The following SLC35F3 variants were observed in gnomAD, a reference collection of about 807,000 sequenced individuals.
SLC35F3 encodes the protein solute carrier family 35 member F3.
In SLC35F3, 25 loss-of-function variants were observed where a neutral mutation model predicts 49.9. That is an observed-to-expected ratio of 0.50 (90% CI 0.37 to 0.70). SLC35F3 has a LOEUF of 0.70. Among genes scored for constraint, SLC35F3 ranks in the 30% least tolerant of loss-of-function variants. The probability of loss-of-function intolerance (pLI) is 0.00; values close to 1 mark genes in which losing one functional copy is unlikely to be tolerated. For missense variants in SLC35F3, 525 were observed against 639.8 expected, an observed-to-expected ratio of 0.82 and a Z score of 1.94; for synonymous variants, 275 against 265.4, an observed-to-expected ratio of 1.04 and a Z score of -0.35.
intron 2 of SLC35F3, among the ~76,000 whole-genome samples, chr1:234,011,801 T>C (rs1388625226): frequency 2.0e-5 from 3 of 152,064 alleles, no homozygotes; most frequent in African/African-American, 4.8e-5. Context: ...ACACCCAACA[T>C]TGGAGCACTG....
chr1:234,278,066 G>A (rs538388928), intron 3 of SLC35F3, among the ~76,000 whole-genome samples: 5 of 152,196 alleles, frequency 3.3e-5, no homozygotes, highest in Non-Finnish European at 4.4e-5. Flanking sequence ...AGAGGCATGC[G>A]CCTGTGGTCC....
At chr1:234,195,197 C>T (rs552048307) in intron 2 of SLC35F3, among the ~76,000 whole-genome samples, 1 of 152,306 alleles carries the variant, frequency 6.6e-6, no homozygotes, top group Admixed American at 6.5e-5. Flanking sequence ...CACTGCTTTC[C>T]AGGCTGTGCC....
At position 234,236,497 on chromosome 1, in the gene SLC35F3, C is replaced by G. The variant is rs536314967; in HGVS notation, c.608+4756C>G. 9.2e-5 allele frequency among the ~76,000 whole-genome samples: 14 copies of G among 152,140 alleles called. No homozygotes were observed. In the South Asian group the frequency reaches 2.9e-3, roughly 32 times the overall value. On this transcript the variant is annotated intron_variant, in intron 3 of 7. Coordinates refer to ENST00000366618, the MANE Select transcript of SLC35F3 (RefSeq NM_173508.4). The stretch of plus-strand genomic sequence containing the variant: ...TTTATTTAAGGACAAGCAGATGGTT[C>G]TCTAGGTGCCGAAGGAGAAGGTCAA...
At chr1:234,220,169 T>G (rs1328207268) in intron 2 of SLC35F3, among the ~76,000 whole-genome samples, 2 of 148,960 alleles carry the variant, frequency 1.3e-5, no homozygotes, top group Admixed American at 1.3e-4. Flanking sequence ...AACTGGGTTA[T>G]GAAATCTCTT....
At chr1:234,151,567 A>T (rs1666076464) in intron 2 of SLC35F3, among the ~76,000 whole-genome samples, 1 of 152,056 alleles carries the variant, frequency 6.6e-6, no homozygotes, top group Non-Finnish European at 1.5e-5. Context: ...AGCAAAACTC[A>T]GAAATGAGGA....
At chr1:233,985,344 G>A (rs1028416502) in intron 2 of SLC35F3, among the ~76,000 whole-genome samples, 1 of 152,204 alleles carries the variant, frequency 6.6e-6, no homozygotes, top group Non-Finnish European at 1.5e-5. Context: ...TCCATGCAGA[G>A]TCTTTTTGTA....
chr1:234,070,354 A>C (rs1047730761), intron 2 of SLC35F3, among the ~76,000 whole-genome samples: 1 of 152,242 alleles, frequency 6.6e-6, no homozygotes, highest in African/African-American at 2.4e-5. Context: ...CAGCACATCA[A>C]AATAGAAAAC....
At chr1:234,268,103 C>T (rs919723240) in intron 3 of SLC35F3, among the ~76,000 whole-genome samples, 11 of 151,910 alleles carry the variant, frequency 7.2e-5, no homozygotes, top group Admixed American at 1.3e-4. Flanking sequence ...CCAAGGCAGG[C>T]GGCTGGGAGG....
chr1:234,068,051 A>G (rs1009073990), intron 2 of SLC35F3, among the ~76,000 whole-genome samples: 1 of 152,194 alleles, frequency 6.6e-6, no homozygotes, highest in Non-Finnish European at 1.5e-5. Context: ...ATTTACTCAC[A>G]TTATGAAAAC....
rs76678819 is a variant in SLC35F3 at position 234,078,452 on chromosome 1, A to G, written c.284-152965A>G. Among the ~76,000 whole-genome samples the G allele has an allele frequency of 0.026, 3,969 of 152,270 alleles. 307 individuals are homozygous for G. In the East Asian group the frequency reaches 0.31, roughly 12 times the overall value. On this transcript the variant is annotated intron_variant, in intron 2 of 7. Coordinates refer to ENST00000366618, the MANE Select transcript of SLC35F3 (RefSeq NM_173508.4). ...AGAGACCTCTATGTTAAGTTTAACC[A>G]TAGGCATTTTTCAGTCTTCAGTGAA...
At chr1:234,318,343 C>T (rs1044500065) in intron 5 of SLC35F3, among the ~76,000 whole-genome samples, 4 of 152,194 alleles carry the variant, frequency 2.6e-5, no homozygotes, top group East Asian at 1.9e-4. Flanking sequence ...ATTTACAGAA[C>T]GTATCTTTGC....
intron 2 of SLC35F3, among the ~76,000 whole-genome samples, chr1:234,065,940 C>T (rs1246404850): frequency 1.3e-5 from 2 of 152,124 alleles, no homozygotes; most frequent in Non-Finnish European, 2.9e-5. Flanking sequence ...GTGACGTTGT[C>T]GTGAGGTCAG....
In SLC35F3 at chr1:233,959,747, G is replaced by A. The variant is rs535899109; in HGVS notation, c.283+53989G>A. 1.2e-4 allele frequency among the ~76,000 whole-genome samples: 18 copies of A among 152,152 alleles called. No individual in the cohort carries two copies. In the East Asian group the frequency reaches 3.5e-3, roughly 29 times the overall value. ...CAAGAAGGTTAAGTGCCTTGGCCAG[G>A]ATTTCTTTGTTGGTGGCAGAGTGGG... On this transcript the variant is annotated intron_variant, in intron 2 of 7. Transcript: ENST00000366618.
At chr1:234,318,651 C>A in intron 5 of SLC35F3, 100 bp from the exon 6 acceptor site, 2 of 1,006,600 alleles carry the variant, frequency 2.0e-6, no homozygotes, top group East Asian at 2.5e-5. Context: ...TTCCATCCTG[C>A]AGTGCAAACC....
intron 2 of SLC35F3, among the ~76,000 whole-genome samples, chr1:234,090,187 T>C (rs1165517805): frequency 6.6e-6 from 1 of 152,278 alleles, no homozygotes. Context: ...CGTTCACTCA[T>C]TGAATCATCC....
intron 3 of SLC35F3, among the ~76,000 whole-genome samples, chr1:234,301,977 G>A (rs146160669): frequency 1.2e-3 from 179 of 152,228 alleles, no homozygotes; most frequent in African/African-American, 4.1e-3. Flanking sequence ...CTCATAAGTG[G>A]GATTTGAACA....
intron 2 of SLC35F3, among the ~76,000 whole-genome samples, chr1:234,148,617 T>G (rs1210153244): frequency 6.6e-6 from 1 of 152,166 alleles, no homozygotes; most frequent in African/African-American, 2.4e-5. Context: ...CACTGATGAT[T>G]TATTTAGAAA....
intron 4 of SLC35F3, among the ~76,000 whole-genome samples, chr1:234,313,789 C>G (rs1030490767): frequency 1.3e-5 from 2 of 152,070 alleles, no homozygotes; most frequent in African/African-American, 2.4e-5. Flanking sequence ...TGTTTTAGTG[C>G]AGGAAATGGG....
intron 2 of SLC35F3, among the ~76,000 whole-genome samples, chr1:233,980,793 A>C (rs1663170180): frequency 1.3e-5 from 2 of 152,222 alleles, no homozygotes; most frequent in African/African-American, 2.4e-5. Flanking sequence ...CAATTGTGAT[A>C]ATTGATAGTA....
Sources: allele counts gnomAD v4.1 joint callset (sites outside exome capture counted in the v4.1 genomes callset), GRCh38; gene constraint gnomAD v4.1.1; transcripts MANE v1.5; gene names NCBI Gene and HGNC (gene_info 2026-07-23, HGNC 2026-07-21).